DNAJC15: variants seen among roughly 807,000 people sequenced by gnomAD.
DNAJC15 encodes the protein dnaJ homolog subfamily C member 15.
Under a neutral mutation model 22.4 loss-of-function variants are expected in DNAJC15, and 27 were observed. The observed-to-expected ratio is 1.20, with a 90% CI of 0.89 to 1.66. DNAJC15 has a LOEUF of 1.66. Among genes scored for constraint, DNAJC15 ranks in the 40% most tolerant of loss-of-function variants. The pLI, the probability that DNAJC15 is intolerant of heterozygous loss-of-function variation, is 0.00. For synonymous variants in DNAJC15, 79 were observed against 63.2 expected (o/e 1.25, Z -1.19); for missense variants, 208 against 187.1 (o/e 1.11, Z -0.65).
chr13:43,031,368 T>C (rs2040403324), intron 1 of DNAJC15, among the ~76,000 whole-genome samples: 1 of 152,174 alleles, frequency 6.6e-6, no homozygotes, highest in Admixed American at 6.5e-5. Flanking sequence ...GTTAATTTTG[T>C]AGGAGTTGTG....
chr13:43,051,060 C>T (rs1008648652), intron 1 of DNAJC15, among the ~76,000 whole-genome samples: 8 of 152,076 alleles, frequency 5.3e-5, no homozygotes, highest in South Asian at 2.1e-4. Context: ...CTGCAACCTC[C>T]GCCTCCCAGG....
Position 43,023,752 on chromosome 13 carries a change from C to T in DNAJC15, c.108+18C>T, listed in dbSNP as rs1400214937. 1.3e-6 allele frequency: 2 copies of T among 1,590,484 alleles called. No homozygotes were observed. The highest frequency in any genetic ancestry group is 8.6e-7 in the Non-Finnish European group (1 of 1,168,344). On this transcript the variant is annotated intron_variant, in intron 1 of 5. Transcript: ENST00000379221. ...AGAGACTGGTGAGTCCTGCCAGCGG[C>T]CCCCACCCCTCTCTGGCTCCCTTGT...
intron 3 of DNAJC15, among the ~76,000 whole-genome samples, chr13:43,069,727 G>A (rs2040599996): frequency 6.6e-6 from 1 of 152,158 alleles, no homozygotes; most frequent in African/African-American, 2.4e-5. Context: ...ACTTGAGATT[G>A]TCAAATTGCT....
intron 1 of DNAJC15, among the ~76,000 whole-genome samples, chr13:43,050,017 C>T (rs937914630): frequency 6.6e-6 from 1 of 152,184 alleles, no homozygotes; most frequent in Admixed American, 6.5e-5. Context: ...TTCCCAGGTT[C>T]AAGCAGTTCT....
intron 1 of DNAJC15, among the ~76,000 whole-genome samples, chr13:43,034,794 G>A (rs1196711493): frequency 2.0e-5 from 3 of 152,086 alleles, no homozygotes; most frequent in Non-Finnish European, 4.4e-5. Flanking sequence ...TACCCCCAAC[G>A]TTGTGGGGGT....
rs1385025981 is a variant in DNAJC15 at position 43,111,331 on chromosome 13, A to G, written c.*4083A>G. The G allele has an allele frequency of 6.6e-6, 1 of 152,228 alleles. No individual in the cohort carries two copies. Among genetic ancestry groups the G allele is most frequent in the Admixed American group, 6.5e-5 (1 of 15,288 alleles). The allele number at this position is 152,228 out of a possible 1,614,324, so 9.4% of individuals were successfully genotyped here. A position where few individuals can be genotyped will look rare whatever the true frequency, so the allele number is the denominator to read the frequency against. Reference sequence around the variant, plus strand: ...TCAAACTGAAAAAAATACATTCTTAAACAGGAAACTTTTTCCTTCATACTT... The same window carrying G: ...TCAAACTGAAAAAAATACATTCTTAGACAGGAAACTTTTTCCTTCATACTT... On this transcript the variant is annotated 3_prime_UTR_variant, in exon 6 of 6. Coordinates refer to ENST00000379221, the MANE Select transcript of DNAJC15 (RefSeq NM_013238.3).
In DNAJC15 at chr13:43,110,983, C is replaced by A. The variant is rs559062778; in HGVS notation, c.*3735C>A. 1 of 152,214 alleles carries A rather than the reference C, an allele frequency of 6.6e-6. No individual in the cohort carries two copies. The highest frequency in any genetic ancestry group is 1.5e-5 in the Non-Finnish European group (1 of 68,032). The allele number at this position is 152,214 out of a possible 1,614,324, so 9.4% of individuals were successfully genotyped here. ...ATATTGCAGTTTCTGTGCATACTTA[C>A]ATCTTAGATGCAATCTGAGGGCCTA... is the stretch of plus-strand genomic sequence containing the variant. On this transcript the variant is annotated 3_prime_UTR_variant, in exon 6 of 6. Coordinates refer to ENST00000379221, the MANE Select transcript of DNAJC15 (RefSeq NM_013238.3).
chr13:43,023,677 T>G lies in DNAJC15; in HGVS notation c.51T>G (p.Ala17=), dbSNP rs753178382. ...IAPVGESLRY[A]EYLQPSAKRP... ...CAGTTGGCGAGAGTTTGCGCTACGC[T>G]GAGTACTTGCAGCCCTCGGCCAAAC... The change falls in exon 1 of 6, where the codon GCT becomes GCG. Residue 17 remains alanine, a synonymous_variant. Transcript: ENST00000379221. 4 of 1,613,016 alleles carry G rather than the reference T, an allele frequency of 2.5e-6. No homozygotes were observed. In the South Asian group the frequency reaches 4.4e-5, roughly 18 times the overall value.
Position 43,111,375 on chromosome 13 carries a change from T to A in DNAJC15, c.*4127T>A, listed in dbSNP as rs529348815. Reference sequence around the variant, plus strand: ...CATACTTTTTAATTAACAAGACATATAAGAGTTGCATTAATGGGCGTGCTT... The same window carrying A: ...CATACTTTTTAATTAACAAGACATAAAAGAGTTGCATTAATGGGCGTGCTT... On this transcript the variant is annotated 3_prime_UTR_variant, in exon 6 of 6. Transcript: ENST00000379221. The A allele has an allele frequency of 3.3e-5, 5 of 152,300 alleles. No individual in the cohort carries two copies. The East Asian group carries it at 9.6e-4, about 29-fold the overall frequency. 9.4% of individuals were successfully genotyped at this position (152,300 alleles called of 1,614,324 possible).
Position 43,068,911 on chromosome 13 carries a change from T to C in DNAJC15, c.161-19T>C. The C allele has an allele frequency of 1.9e-6, 3 of 1,605,262 alleles. No individual in the cohort carries two copies. The highest frequency in any genetic ancestry group is 1.7e-6 in the Non-Finnish European group (2 of 1,175,426). ...TGATTATAGAAAATACATTTGCTTT[T>C]ATTCCCTTTACTATTTAGGTCGCTA... On this transcript the variant is annotated intron_variant, in intron 2 of 5. Coordinates refer to ENST00000379221, the MANE Select transcript of DNAJC15 (RefSeq NM_013238.3).
intron 1 of DNAJC15, among the ~76,000 whole-genome samples, chr13:43,025,112 G>A (rs577799002): frequency 6.6e-6 from 1 of 152,076 alleles, no homozygotes; most frequent in Admixed American, 6.6e-5. Flanking sequence ...TTAAGTAACT[G>A]GTCCAGGATC....
intron 1 of DNAJC15, among the ~76,000 whole-genome samples, chr13:43,030,091 A>G (rs1036684854): frequency 1.3e-5 from 2 of 152,250 alleles, no homozygotes; most frequent in African/African-American, 2.4e-5. Flanking sequence ...GTGTATAATC[A>G]GAGTACGTAT....
Position 43,112,459 on chromosome 13 carries a change from G to A in DNAJC15, c.*5211G>A, listed in dbSNP as rs2040829421. On this transcript the variant is annotated 3_prime_UTR_variant, in exon 6 of 6. Transcript: ENST00000379221. The stretch of plus-strand genomic sequence containing the variant: ...TCAAATTAGTATCTCAACTTAGCAG[G>A]GGGGATCAACAGTGGCAAACTTCAA... The A allele has an allele frequency of 6.6e-6, 1 of 152,152 alleles. No individual in the cohort carries two copies. The highest frequency in any genetic ancestry group is 6.5e-5 in the Admixed American group (1 of 15,280). 9.4% of individuals were successfully genotyped at this position (152,152 alleles called of 1,614,324 possible).
intron 1 of DNAJC15, among the ~76,000 whole-genome samples, chr13:43,062,916 A>G (rs2040565705): frequency 6.6e-6 from 1 of 151,972 alleles, no homozygotes; most frequent in African/African-American, 2.4e-5. Flanking sequence ...ACGGGGTTTC[A>G]CCATGTTGGC....
chr13:43,112,092 A>AT lies in DNAJC15; in HGVS notation c.*4850dup, dbSNP rs2040827579. 6.6e-6 allele frequency: 1 copy of AT among 152,158 alleles called. No homozygotes were observed. Among genetic ancestry groups the AT allele is most frequent in the Admixed American group, 6.5e-5 (1 of 15,276 alleles). The allele number at this position is 152,158 out of a possible 1,614,324, so 9.4% of individuals were successfully genotyped here. A position where few individuals can be genotyped will look rare whatever the true frequency, so the allele number is the denominator to read the frequency against. On this transcript the variant is annotated 3_prime_UTR_variant, in exon 6 of 6. Transcript: ENST00000379221. ...GACAAAGAAAATGTTCCTTCTAATGATTTTTTATGAGCTGAGTAGCTATTG... is the reference window on the plus strand; with the variant it reads ...GACAAAGAAAATGTTCCTTCTAATGATTTTTTTATGAGCTGAGTAGCTATTG...
chr13:43,040,904 C>T (rs541481148), intron 1 of DNAJC15, among the ~76,000 whole-genome samples: 98 of 152,236 alleles, frequency 6.4e-4, no homozygotes, highest in East Asian at 4.2e-3. Flanking sequence ...TATTGCTGCC[C>T]GCCTGTCCCA....
chr13:43,046,463 T>A (rs1001700291), intron 1 of DNAJC15, among the ~76,000 whole-genome samples: 2 of 152,016 alleles, frequency 1.3e-5, no homozygotes, highest in African/African-American at 4.8e-5. Flanking sequence ...CTGGGGAAGG[T>A]GACCGCACCT....
At chr13:43,046,816 G>A (rs1431812531) in intron 1 of DNAJC15, among the ~76,000 whole-genome samples, 5 of 152,132 alleles carry the variant, frequency 3.3e-5, no homozygotes, top group Non-Finnish European at 7.3e-5. Flanking sequence ...CAGACCTGCC[G>A]CTGACTTACA....
chr13:43,042,216 T>A (rs375359960), intron 1 of DNAJC15, among the ~76,000 whole-genome samples: 3 of 152,198 alleles, frequency 2.0e-5, no homozygotes, highest in African/African-American at 7.2e-5. Flanking sequence ...ATGATAAAGT[T>A]TAATTTATAA....
Sources: gnomAD v4.1 joint callset for allele counts (sites outside exome capture counted in the v4.1 genomes callset) on GRCh38, gnomAD v4.1.1 for gene constraint, MANE v1.5 for transcripts, NCBI Gene and HGNC (gene_info 2026-07-23, HGNC 2026-07-21) for gene names.